Variants in SPG11 observed in about 807,000 individuals in gnomAD.
The protein encoded by SPG11 is SPG11 vesicle trafficking associated, spatacsin, also known as spatacsin.
In SPG11, 222 loss-of-function variants were observed where a neutral mutation model predicts 274.0. The observed-to-expected ratio is 0.81, with a 90% CI of 0.73 to 0.91. The LOEUF is 0.91. Among genes scored for constraint, SPG11 ranks in the 40% least tolerant of loss-of-function variants. The probability of loss-of-function intolerance (pLI) is 0.00; values close to 1 mark genes in which losing one functional copy is unlikely to be tolerated. For synonymous variants in SPG11, 1,144 were observed against 1,039.7 expected, an observed-to-expected ratio of 1.10 and a Z score of -1.93; for missense variants, 3,114 against 2,872.7, an observed-to-expected ratio of 1.08 and a Z score of -1.92.
chr15:44,643,843 G>C (rs779486725), intron 7 of SPG11, among the ~76,000 whole-genome samples: 2 of 151,972 alleles, frequency 1.3e-5, no homozygotes, highest in African/African-American at 4.8e-5. Flanking sequence ...GAGAAAACCA[G>C]GCCAATATCC....
chr15:44,659,436 C>T (rs559906804), intron 2 of SPG11, 133 bp from the exon 3 acceptor site: 23 of 758,058 alleles, frequency 3.0e-5, no homozygotes, highest in South Asian at 2.4e-4. Context: ...ACGCAGTTAT[C>T]GTTCACACCC....
rs1481125392 is a variant in SPG11, at chr15:44,566,347, A to G, written c.6755-42T>C. 5.1e-6 allele frequency: 8 copies of G among 1,576,360 alleles called. No homozygotes were observed. The African/African-American group carries it at 6.7e-5, about 13-fold the overall frequency. On this transcript the variant is annotated intron_variant, in intron 36 of 39. Coordinates refer to ENST00000261866, the MANE Select transcript of SPG11 (RefSeq NM_025137.4). ...GAAGATTTGCCGAGTCTGACTCCCA[A>G]AGCTCACTGTTCTCATCCCACTCAT...
At chr15:44,622,021 T>A in intron 13 of SPG11, 87 bp from the exon 14 acceptor site, 1 of 1,212,102 alleles carries the variant, frequency 8.3e-7, no homozygotes. Context: ...CATCCACTCT[T>A]TTGGGGAACA....
intron 16 of SPG11, among the ~76,000 whole-genome samples, chr15:44,614,587 T>A (rs1204644731): frequency 6.6e-6 from 1 of 152,220 alleles, no homozygotes; most frequent in East Asian, 1.9e-4. Flanking sequence ...TGCACAAATG[T>A]GGGCTCCAGA....
At chr15:44,577,502 C>CAAAAAAA (rs755097423) in intron 30 of SPG11, among the ~76,000 whole-genome samples, 2 of 91,666 alleles carry the variant, frequency 2.2e-5, no homozygotes, top group Non-Finnish European at 2.1e-5. Flanking sequence ...GGCCCTATCT[C>CAAAAAAA]AAAAAAAAAA....
At chr15:44,604,434 CA>C (rs1027994667) in intron 20 of SPG11, among the ~76,000 whole-genome samples, 11 of 152,078 alleles carry the variant, frequency 7.2e-5, no homozygotes, top group African/African-American at 2.7e-4. Context: ...GTTTTTTATT[CA>C]AATAAGACCA....
At chr15:44,649,073 G>A in intron 6 of SPG11, 62 bp from the exon 7 acceptor site, 2 of 1,383,286 alleles carry the variant, frequency 1.4e-6, no homozygotes, top group Non-Finnish European at 2.0e-6. Context: ...TATGATTTAG[G>A]AATTGATTTT....
intron 15 of SPG11, among the ~76,000 whole-genome samples, chr15:44,616,188 T>C (rs889706748): frequency 2.1e-4 from 32 of 151,994 alleles, no homozygotes; most frequent in Non-Finnish European, 4.1e-4. Flanking sequence ...TCTTGACTTT[T>C]ATGATAATCA....
At chr15:44,600,954 AC>A (rs1392528115) in intron 20 of SPG11, among the ~76,000 whole-genome samples, 1 of 152,178 alleles carries the variant, frequency 6.6e-6, no homozygotes, top group Non-Finnish European at 1.5e-5. Context: ...AAGAGTTGAG[AC>A]CAGCCTGACC....
At chr15:44,624,779 C>A (rs540446404) in intron 11 of SPG11, among the ~76,000 whole-genome samples, 4 of 152,074 alleles carry the variant, frequency 2.6e-5, no homozygotes, top group Admixed American at 6.6e-5. Context: ...ATATTGTATA[C>A]CTTAAATACA....
intron 7 of SPG11, among the ~76,000 whole-genome samples, chr15:44,641,273 C>G (rs1388900044): frequency 2.0e-5 from 3 of 151,696 alleles, no homozygotes; most frequent in African/African-American, 7.3e-5. Flanking sequence ...AAAAAAAATT[C>G]ATAATTGAAA....
At chr15:44,601,297 G>A (rs1166576832) in intron 20 of SPG11, among the ~76,000 whole-genome samples, 1 of 151,722 alleles carries the variant, frequency 6.6e-6, no homozygotes, top group East Asian at 1.9e-4. Context: ...GTCTGGCTCT[G>A]TCGCCCAGAC....
intron 7 of SPG11, among the ~76,000 whole-genome samples, chr15:44,635,453 A>G (rs2084212175): frequency 6.6e-6 from 1 of 151,868 alleles, no homozygotes; most frequent in Non-Finnish European, 1.5e-5. Flanking sequence ...AAAAAAATTA[A>G]AAAGTAGCTG....
intron 15 of SPG11, among the ~76,000 whole-genome samples, 179 bp from the exon 16 acceptor site, chr15:44,615,745 C>T (rs891894271): frequency 2.6e-5 from 4 of 152,286 alleles, no homozygotes; most frequent in African/African-American, 4.8e-5. Context: ...AAATTTTCTG[C>T]ACCACTGTAG....
rs563168855 is a variant in SPG11, at chr15:44,633,119, G to A, written c.1735+386C>T. On this transcript the variant is annotated intron_variant, in intron 8 of 39. Coordinates refer to ENST00000261866, the MANE Select transcript of SPG11 (RefSeq NM_025137.4). ...CCAGCACTCTGGGAGGCAGAGGATT[G>A]TTTGAGCCCAGGAGTTTGAGACCAG... Among the ~76,000 whole-genome samples the A allele has an allele frequency of 6.9e-4, 104 of 151,796 alleles. No individual in the cohort carries two copies. In the South Asian group the frequency reaches 8.5e-3, roughly 12 times the overall value.
At position 44,575,004 on chromosome 15, in the gene SPG11, G is replaced by C. The variant is rs774822306; in HGVS notation, c.5904C>G (p.Pro1968=). Residue 1968 remains proline (P), a synonymous_variant, in exon 31 of 40, where the codon CCC becomes CCG. Coordinates refer to ENST00000261866, the MANE Select transcript of SPG11 (RefSeq NM_025137.4). The stretch of plus-strand genomic sequence containing the variant: ...GGTTAGTTACCACTTCATTACTGGA[G>C]GGCACTGTCACAAACTTCTGACTAT... ...SLDSQKFVTV[P]SSNEVVTNLE... is the part of the protein sequence containing the mutation. The C allele has an allele frequency of 6.2e-7, 1 of 1,614,052 alleles. No individual in the cohort carries two copies. The highest frequency in any genetic ancestry group is 1.1e-5 in the South Asian group (1 of 91,082).
chr15:44,589,452 C>T (rs1446538265), intron 27 of SPG11, 38 bp from the exon 28 acceptor site: 12 of 1,613,046 alleles, frequency 7.4e-6, no homozygotes, highest in Non-Finnish European at 1.0e-5. Flanking sequence ...AAAGCAGTTT[C>T]ATGAGAATAG....
intron 33 of SPG11, 83 bp downstream of exon 33, chr15:44,572,600 C>T: frequency 1.4e-6 from 2 of 1,469,758 alleles, no homozygotes; most frequent in Non-Finnish European, 9.5e-7. Flanking sequence ...GAACAGGGAC[C>T]CAAATCAAGT....
chr15:44,566,312 G>A lies in SPG11; in HGVS notation c.6755-7C>T, dbSNP rs1459468329. 4 of 1,613,444 alleles carry A rather than the reference G, an allele frequency of 2.5e-6. No homozygotes were observed. The highest frequency in any genetic ancestry group is 3.4e-6 in the Non-Finnish European group (4 of 1,179,718). On this transcript the variant is annotated splice_region_variant and splice_polypyrimidine_tract_variant and intron_variant, in intron 36 of 39. Coordinates refer to ENST00000261866, the MANE Select transcript of SPG11 (RefSeq NM_025137.4). Reference sequence around the variant, plus strand: ...CCATCCTTGAGGCTGTCCTCTGTAGGGGAAATAAAGAAGATTTGCCGAGTC... The same window carrying A: ...CCATCCTTGAGGCTGTCCTCTGTAGAGGAAATAAAGAAGATTTGCCGAGTC...
Sources: allele counts gnomAD v4.1 joint callset (sites outside exome capture counted in the v4.1 genomes callset), GRCh38; gene constraint gnomAD v4.1.1; transcripts MANE v1.5; gene names NCBI Gene and HGNC (gene_info 2026-07-23, HGNC 2026-07-21).